Variants in OXR1 observed in about 807,000 individuals in gnomAD.
The protein encoded by OXR1 is oxidation resistance protein 1.
Under a neutral mutation model 104.6 loss-of-function variants are expected in OXR1, and 41 were observed. The ratio of observed to expected loss-of-function variants is 0.39; its 90% CI spans 0.31 to 0.51. The LOEUF (loss-of-function observed/expected upper bound fraction) is 0.51. Among genes scored for constraint, OXR1 ranks in the 20% least tolerant of loss-of-function variants. OXR1 has a pLI of 0.77. For synonymous variants in OXR1, 348 were observed against 348.4 expected (o/e 1.00, Z 0.01); for missense variants, 955 against 1,031.9 (o/e 0.93, Z 1.02).
chr8:106,648,100 GT>G, intron 3 of OXR1, among the ~76,000 whole-genome samples: 1 of 152,188 alleles, frequency 6.6e-6, no homozygotes, highest in East Asian at 1.9e-4. Flanking sequence ...TGAACACAAT[GT>G]TGTGGCTACT....
intron 1 of OXR1, among the ~76,000 whole-genome samples, chr8:106,293,681 C>A (rs552338448): frequency 6.6e-6 from 1 of 152,248 alleles, no homozygotes; most frequent in Non-Finnish European, 1.5e-5. Context: ...CTGGTGAGGG[C>A]CTTTTTACTG....
At chr8:106,675,275 A>G (rs533102666) in intron 3 of OXR1, among the ~76,000 whole-genome samples, 1 of 152,272 alleles carries the variant, frequency 6.6e-6, no homozygotes, top group East Asian at 1.9e-4. Flanking sequence ...AAATCAATAC[A>G]AATATACAGA....
intron 2 of OXR1, among the ~76,000 whole-genome samples, chr8:106,505,934 G>C (rs1812130111): frequency 6.6e-6 from 1 of 152,230 alleles, no homozygotes; most frequent in Admixed American, 6.5e-5. Context: ...AGCAGAGTAG[G>C]TAGTAGGGGA....
At chr8:106,274,414 A>G (rs1295831009) in intron 1 of OXR1, among the ~76,000 whole-genome samples, 1 of 152,258 alleles carries the variant, frequency 6.6e-6, no homozygotes, top group East Asian at 1.9e-4. Flanking sequence ...CTGTCTCACC[A>G]TTCCACCCAT....
At chr8:106,749,620 T>C (rs1293105903) in intron 16 of OXR1, among the ~76,000 whole-genome samples, 1 of 152,194 alleles carries the variant, frequency 6.6e-6, no homozygotes, top group East Asian at 1.9e-4. Flanking sequence ...AGACCAGTTT[T>C]TTTCTTTCAA....
intron 1 of OXR1, among the ~76,000 whole-genome samples, chr8:106,342,058 CTT>C (rs1238570595): frequency 7.4e-6 from 1 of 135,984 alleles, no homozygotes. Flanking sequence ...AAAAAAAATT[CTT>C]TTTTTTTTGT....
chr8:106,382,141 G>A (rs576158257), intron 2 of OXR1, among the ~76,000 whole-genome samples: 4 of 152,288 alleles, frequency 2.6e-5, no homozygotes, highest in Admixed American at 1.3e-4. Flanking sequence ...TCCTGGCTCT[G>A]CAGCTAACTA....
intron 3 of OXR1, among the ~76,000 whole-genome samples, chr8:106,524,549 C>T (rs1478895720): frequency 6.6e-6 from 1 of 152,178 alleles, no homozygotes; most frequent in East Asian, 1.9e-4. Flanking sequence ...ATCAGAATCA[C>T]TCAGTGACAC....
chr8:106,513,506 G>T (rs566973211), intron 2 of OXR1, among the ~76,000 whole-genome samples: 1 of 152,150 alleles, frequency 6.6e-6, no homozygotes, highest in South Asian at 2.1e-4. Context: ...ATACCACATT[G>T]CATACCACAT....
At chr8:106,271,120 G>A (rs1380244786) in intron 1 of OXR1, among the ~76,000 whole-genome samples, 1 of 151,990 alleles carries the variant, frequency 6.6e-6, no homozygotes, top group African/African-American at 2.4e-5. Flanking sequence ...AGTATCGGGC[G>A]GAGGAACTGG....
chr8:106,652,895 ACAG>A (rs1001377589), intron 3 of OXR1, among the ~76,000 whole-genome samples: 2 of 151,664 alleles, frequency 1.3e-5, no homozygotes, highest in African/African-American at 4.8e-5. Flanking sequence ...CAAGAAAAAA[ACAG>A]AGATGACTCA....
In OXR1 at chr8:106,740,439, A is replaced by G; in HGVS notation, c.2260A>G (p.Thr754Ala). The change falls in exon 14 of 17, where the codon ACA becomes GCA. Residue 754 changes from threonine (T) to alanine (A), a missense_variant. By Grantham distance (58) the Thr-to-Ala change is moderately conservative. Around this residue, in one of 2 missense-constraint regions of OXR1, gnomAD observed 106 missense variants for 179.0 expected, o/e 0.59. Coordinates refer to ENST00000517566, the MANE Select transcript of OXR1 (RefSeq NM_001198533.2). ...HGTSLKTLYR[T>A]MTGLDTPVLM... ...CACAAGCTTGAAAACTCTTTATCGA[A>G]CAATGACAGGTTTAGACACCCCAGT... The G allele has an allele frequency of 6.2e-7, 1 of 1,613,402 alleles. No homozygotes were observed. Among genetic ancestry groups the G allele is most frequent in the Non-Finnish European group, 8.5e-7 (1 of 1,179,506 alleles).
chr8:106,479,458 G>A (rs897608527), intron 2 of OXR1, among the ~76,000 whole-genome samples: 6 of 151,836 alleles, frequency 4.0e-5, no homozygotes, highest in Non-Finnish European at 5.9e-5. Flanking sequence ...CTGCTAATAG[G>A]AAACAATTAC....
At chr8:106,370,073 T>C (rs2130371925) in intron 2 of OXR1, among the ~76,000 whole-genome samples, 1 of 152,340 alleles carries the variant, frequency 6.6e-6, no homozygotes, top group South Asian at 2.1e-4. Flanking sequence ...TGTTATTTCC[T>C]TGAGCAGTGG....
chr8:106,545,881 T>C (rs1586789079), intron 3 of OXR1, among the ~76,000 whole-genome samples: 1 of 151,818 alleles, frequency 6.6e-6, no homozygotes, highest in Admixed American at 6.6e-5. Flanking sequence ...CTGTAGTCCC[T>C]GCTACTCCGG....
chr8:106,682,018 C>T (rs1219879076), intron 4 of OXR1, among the ~76,000 whole-genome samples: 1 of 152,156 alleles, frequency 6.6e-6, no homozygotes, highest in Non-Finnish European at 1.5e-5. Context: ...TTTCTCTCTA[C>T]TTTTCAAATT....
chr8:106,401,003 A>G (rs1257954531), intron 2 of OXR1, among the ~76,000 whole-genome samples: 1 of 152,228 alleles, frequency 6.6e-6, no homozygotes, highest in African/African-American at 2.4e-5. Flanking sequence ...ACAAATGAAA[A>G]GTAAAACATT....
intron 2 of OXR1, among the ~76,000 whole-genome samples, chr8:106,448,546 G>GA (rs1040819149): frequency 2.6e-5 from 4 of 151,494 alleles, no homozygotes; most frequent in South Asian, 4.2e-4. Context: ...AAAATTACTT[G>GA]AAAAAAACAA....
At chr8:106,561,170 G>C (rs1464920077) in intron 3 of OXR1, among the ~76,000 whole-genome samples, 2 of 151,996 alleles carry the variant, frequency 1.3e-5, no homozygotes, top group Non-Finnish European at 2.9e-5. Flanking sequence ...GGAGCCAAGT[G>C]GTCTTGCTCA....
Sources: allele counts gnomAD v4.1 joint callset (sites outside exome capture counted in the v4.1 genomes callset), GRCh38; gene constraint gnomAD v4.1.1; regional missense constraint gnomAD v4.1.1; transcripts MANE v1.5; gene names NCBI Gene and HGNC (gene_info 2026-07-23, HGNC 2026-07-21).